Variants in MED13L observed in about 807,000 individuals in gnomAD.
The protein encoded by MED13L is mediator of RNA polymerase II transcription subunit 13-like.
In MED13L, 7 loss-of-function variants were observed where a neutral mutation model predicts 220.9. The ratio of observed to expected loss-of-function variants is 0.03; its 90% CI spans 0.02 to 0.06. The LOEUF (loss-of-function observed/expected upper bound fraction) is 0.06, where lower values mean the gene tolerates loss of function less well. Among genes scored for constraint, MED13L ranks in the 10% least tolerant of loss-of-function variants. The probability of loss-of-function intolerance (pLI) is 1.00; values close to 1 mark genes in which losing one functional copy is unlikely to be tolerated. For missense variants in MED13L, 1,965 were observed against 2,760.5 expected (o/e 0.71, Z 6.46); for synonymous variants, 1,011 against 1,015.2 (o/e 1.00, Z 0.08).
intron 4 of MED13L, among the ~76,000 whole-genome samples, chr12:116,038,590 G>C (rs1345958960): frequency 1.3e-5 from 2 of 151,898 alleles, no homozygotes; most frequent in Non-Finnish European, 2.9e-5. Flanking sequence ...GAAACATAGG[G>C]ACAGACCTCT....
intron 10 of MED13L, 29 bp from the exon 11 acceptor site, chr12:116,007,665 A>G (rs973846848): frequency 6.7e-6 from 10 of 1,498,286 alleles, no homozygotes; most frequent in African/African-American, 1.4e-5. Context: ...AAAAAAAAAA[A>G]GAGCATTTAT....
At chr12:116,031,799 G>GGAAA (rs796161906) in intron 4 of MED13L, among the ~76,000 whole-genome samples, 4 of 146,496 alleles carry the variant, frequency 2.7e-5, no homozygotes, top group Non-Finnish European at 4.6e-5. Flanking sequence ...AAGGAAGGAA[G>GGAAA]GAAAGAAAGA....
In MED13L at chr12:115,987,297, G is replaced by T. The variant is rs753138376; in HGVS notation, c.3935-9C>A. ...CATGCTGATGTCCAGCACTGGAAGA[G>T]AAGTGAGAAGAAACAGAGAAGATAA... is the stretch of plus-strand genomic sequence containing the variant. On this transcript the variant is annotated splice_polypyrimidine_tract_variant and intron_variant, in intron 17 of 30. Coordinates refer to ENST00000281928, the MANE Select transcript of MED13L (RefSeq NM_015335.5). 4 of 1,610,790 alleles carry T rather than the reference G, an allele frequency of 2.5e-6. No homozygotes were observed. In the Admixed American group the frequency reaches 6.7e-5, roughly 27 times the overall value.
chr12:116,003,747 G>T (rs2137362046), intron 13 of MED13L, among the ~76,000 whole-genome samples: 1 of 152,164 alleles, frequency 6.6e-6, no homozygotes, highest in South Asian at 2.1e-4. Flanking sequence ...TTTACAAATA[G>T]AAGGCCTTTT....
intron 4 of MED13L, among the ~76,000 whole-genome samples, chr12:116,066,764 A>C (rs1394442409): frequency 1.3e-5 from 2 of 152,120 alleles, no homozygotes; most frequent in African/African-American, 2.4e-5. Context: ...TGTATTAAAA[A>C]AAAAAAAAAC....
intron 19 of MED13L, among the ~76,000 whole-genome samples, chr12:115,984,927 A>C (rs1877584917): frequency 6.6e-6 from 1 of 152,098 alleles, no homozygotes; most frequent in African/African-American, 2.4e-5. Flanking sequence ...CATGACGCTA[A>C]ATGGGTGCTT....
At chr12:116,048,608 TAATGCTTAAG>T (rs748479433) in intron 4 of MED13L, among the ~76,000 whole-genome samples, 9 of 152,104 alleles carry the variant, frequency 5.9e-5, no homozygotes. Flanking sequence ...CTTCAGCTGA[TAATGCTTAAG>T]AAATAAACTT....
chr12:116,225,459 A>T (rs1045065635), intron 2 of MED13L, among the ~76,000 whole-genome samples: 2 of 152,214 alleles, frequency 1.3e-5, no homozygotes, highest in South Asian at 4.1e-4. Flanking sequence ...TTTCCAAAAT[A>T]GGAGTTATTG....
chr12:116,241,971 A>C (rs894193127), intron 1 of MED13L, among the ~76,000 whole-genome samples: 1 of 152,128 alleles, frequency 6.6e-6, no homozygotes, highest in Non-Finnish European at 1.5e-5. Context: ...ATGTTTATTC[A>C]ATTAAGAGTA....
At chr12:116,025,411 C>T (rs983418696) in intron 4 of MED13L, among the ~76,000 whole-genome samples, 2 of 152,240 alleles carry the variant, frequency 1.3e-5, no homozygotes, top group African/African-American at 4.8e-5. Flanking sequence ...CTCAGTATGT[C>T]GAAGAGTTAT....
At chr12:116,081,897 A>G (rs1479250754) in intron 4 of MED13L, among the ~76,000 whole-genome samples, 1 of 152,232 alleles carries the variant, frequency 6.6e-6, no homozygotes, top group Non-Finnish European at 1.5e-5. Flanking sequence ...CAATCCTTTT[A>G]TAATCAGAAA....
chr12:115,997,217 C>T lies in MED13L; in HGVS notation c.2583G>A (p.Leu861=), dbSNP rs1878459927. The T allele has an allele frequency of 1.9e-6, 3 of 1,613,840 alleles. No individual in the cohort carries two copies. Among genetic ancestry groups the T allele is most frequent in the African/African-American group, 2.7e-5 (2 of 74,884 alleles). Residue 861 remains leucine, a synonymous_variant, in exon 15 of 31, where the codon TTG becomes TTA. Transcript: ENST00000281928. ...AVPYPPTVAD[L]QRMFPTPPSL... is the part of the protein sequence containing the mutation. ...ATGGTGGAGTGGGAAACATCCTTTG[C>T]AAGTCTGCAACTGCTAAAAATAAGA...
rs193117664 is a variant in MED13L at position 116,200,177 on chromosome 12, A to G, written c.310+37291T>C. On this transcript the variant is annotated intron_variant, in intron 2 of 30. Coordinates refer to ENST00000281928, the MANE Select transcript of MED13L (RefSeq NM_015335.5). ...TACATGACTAAATTATCTTAGCAACATAAGATTTCTTTAATAAAGTACTAC... is the reference window on the plus strand; with the variant it reads ...TACATGACTAAATTATCTTAGCAACGTAAGATTTCTTTAATAAAGTACTAC... Among the ~76,000 whole-genome samples, 452 of 152,136 alleles carry G rather than the reference A, an allele frequency of 3.0e-3. 2 individuals carry two copies. The highest frequency in any genetic ancestry group is 0.01 in the African/African-American group (432 of 41,532).
rs557525295 is a variant in MED13L at position 116,204,731 on chromosome 12, C to A, written c.310+32737G>T. ...CTGTTTTCCCTAGACCTGGCTCCTG[C>A]CCTTTATCCTAAACCTACCTTGTCT... On this transcript the variant is annotated intron_variant, in intron 2 of 30. Transcript: ENST00000281928. Among the ~76,000 whole-genome samples the A allele has an allele frequency of 2.4e-4, 37 of 152,244 alleles. No individual in the cohort carries two copies. The South Asian group carries it at 7.5e-3, about 31-fold the overall frequency.
At chr12:116,172,317 G>C (rs1380427739) in intron 2 of MED13L, among the ~76,000 whole-genome samples, 1 of 152,122 alleles carries the variant, frequency 6.6e-6, no homozygotes, top group Non-Finnish European at 1.5e-5. Context: ...ACTAGCATAT[G>C]ATTCACCCCA....
intron 2 of MED13L, among the ~76,000 whole-genome samples, chr12:116,122,855 C>T (rs965910576): frequency 1.3e-5 from 2 of 152,124 alleles, no homozygotes; most frequent in African/African-American, 4.8e-5. Flanking sequence ...GTAAAGCCAG[C>T]AAACTTTAAA....
chr12:116,233,871 G>A (rs1869816335), intron 2 of MED13L, among the ~76,000 whole-genome samples: 1 of 152,116 alleles, frequency 6.6e-6, no homozygotes, highest in South Asian at 2.1e-4. Flanking sequence ...CAAGTGACAA[G>A]GACAGATTAT....
At chr12:116,084,641 CG>C (rs1234599518) in intron 4 of MED13L, among the ~76,000 whole-genome samples, 3 of 151,898 alleles carry the variant, frequency 2.0e-5, no homozygotes, top group Admixed American at 1.3e-4. Context: ...AAAAATTAGC[CG>C]GGCGTGGTGG....
intron 2 of MED13L, among the ~76,000 whole-genome samples, chr12:116,210,154 G>A (rs922756704): frequency 1.3e-5 from 2 of 152,138 alleles, no homozygotes; most frequent in African/African-American, 4.8e-5. Flanking sequence ...GTTATACTCA[G>A]TTAGCAGAGG....
Sources: allele counts gnomAD v4.1 joint callset (sites outside exome capture counted in the v4.1 genomes callset), GRCh38; gene constraint gnomAD v4.1.1; transcripts MANE v1.5; gene names NCBI Gene and HGNC (gene_info 2026-07-23, HGNC 2026-07-21).